Variants in PRMT3 observed in about 807,000 individuals in gnomAD.
PRMT3 encodes the protein protein arginine methyltransferase 3, also known as protein arginine N-methyltransferase 3.
A neutral mutation model predicts 71.9 loss-of-function variants in PRMT3; 62 were observed. The observed-to-expected ratio is 0.86, with a 90% CI of 0.70 to 1.07. The LOEUF (loss-of-function observed/expected upper bound fraction) is 1.07, where lower values mean the gene tolerates loss of function less well. Among genes scored for constraint, PRMT3 ranks in the 50% least tolerant of loss-of-function variants. The pLI is 0.00. For missense variants in PRMT3, 663 were observed against 643.0 expected, an observed-to-expected ratio of 1.03 and a Z score of -0.34; for synonymous variants, 213 against 220.4, an observed-to-expected ratio of 0.97 and a Z score of 0.30.
At chr11:20,413,567 G>A (rs1217638238) in intron 9 of PRMT3, among the ~76,000 whole-genome samples, 1 of 152,148 alleles carries the variant, frequency 6.6e-6, no homozygotes, top group African/African-American at 2.4e-5. Flanking sequence ...TGATAATCAT[G>A]TTAATTATTA....
At chr11:20,492,389 G>T (rs746046377) in intron 13 of PRMT3, among the ~76,000 whole-genome samples, 15 of 152,104 alleles carry the variant, frequency 9.9e-5, no homozygotes, top group Non-Finnish European at 1.8e-4. Context: ...ATAATCTGTG[G>T]CTGAGTACTA....
intron 4 of PRMT3, 21 bp from the exon 5 acceptor site, chr11:20,392,874 CAT>C (rs1565191328): frequency 7.1e-7 from 1 of 1,416,464 alleles, no homozygotes; most frequent in Non-Finnish European, 9.8e-7. Context: ...ATGAAAAAAA[CAT>C]GAGATTAATT....
intron 10 of PRMT3, among the ~76,000 whole-genome samples, chr11:20,450,084 T>C (rs941101214): frequency 1.7e-4 from 26 of 152,254 alleles, no homozygotes; most frequent in East Asian, 9.6e-4. Context: ...ACAGCTGAGC[T>C]GAAAGATAGA....
At chr11:20,476,989 G>GCTAGCTAGC (rs1275047888) in intron 13 of PRMT3, among the ~76,000 whole-genome samples, 1 of 152,124 alleles carries the variant, frequency 6.6e-6, no homozygotes, top group Admixed American at 6.5e-5. Context: ...ATATCTCCTA[G>GCTAGCTAGC]CTAGCTAGCG....
chr11:20,400,793 G>T (rs1285178571), intron 7 of PRMT3, among the ~76,000 whole-genome samples: 1 of 151,848 alleles, frequency 6.6e-6, no homozygotes, highest in Non-Finnish European at 1.5e-5. Flanking sequence ...TTGCTCCTAA[G>T]TATTGGAGCA....
intron 10 of PRMT3, among the ~76,000 whole-genome samples, chr11:20,449,537 G>C (rs954378264): frequency 1.3e-5 from 2 of 152,008 alleles, no homozygotes; most frequent in Non-Finnish European, 2.9e-5. Flanking sequence ...TTATGTGACC[G>C]AACTATTATT....
rs1321601345 is a variant in PRMT3 at position 20,494,272 on chromosome 11, G to A, written c.1486+18G>A. The A allele has an allele frequency of 6.6e-7, 1 of 1,510,494 alleles. No homozygotes were observed. The highest frequency in any genetic ancestry group is 1.4e-5 in the African/African-American group (1 of 72,380). The allele number at this position is 1,510,494 out of a possible 1,614,324, so 93.6% of individuals were successfully genotyped here. The stretch of plus-strand genomic sequence containing the variant: ...TAAAGCAGGTGAGAAAGAATAGTAG[G>A]GGGGAAGTATCTTATTCATTCTGAA... On this transcript the variant is annotated intron_variant, in intron 15 of 15. Coordinates refer to ENST00000331079, the MANE Select transcript of PRMT3 (RefSeq NM_005788.4).
intron 15 of PRMT3, among the ~76,000 whole-genome samples, chr11:20,499,213 ATG>A (rs1378555361): frequency 1.3e-5 from 2 of 152,242 alleles, no homozygotes; most frequent in East Asian, 3.8e-4. Flanking sequence ...GCAGTTAAGT[ATG>A]TACATTGTAA....
At chr11:20,455,282 G>C (rs1850243155) in intron 11 of PRMT3, among the ~76,000 whole-genome samples, 1 of 152,124 alleles carries the variant, frequency 6.6e-6, no homozygotes, top group Non-Finnish European at 1.5e-5. Flanking sequence ...GCAGACAGCA[G>C]GTAGAAGTGT....
intron 13 of PRMT3, among the ~76,000 whole-genome samples, chr11:20,487,460 A>T (rs1180831156): frequency 6.6e-6 from 1 of 152,210 alleles, no homozygotes; most frequent in Admixed American, 6.5e-5. Context: ...TGCCTGATGT[A>T]TGATTCTTTA....
intron 13 of PRMT3, among the ~76,000 whole-genome samples, chr11:20,482,523 A>G (rs940083628): frequency 5.3e-5 from 8 of 152,122 alleles, no homozygotes; most frequent in African/African-American, 1.9e-4. Flanking sequence ...TTGATTAGAG[A>G]TGTCAGAGGG....
At chr11:20,506,208 T>A (rs1004921302) in intron 15 of PRMT3, among the ~76,000 whole-genome samples, 5 of 152,180 alleles carry the variant, frequency 3.3e-5, no homozygotes, top group Admixed American at 6.5e-5. Flanking sequence ...TGAATAAATA[T>A]AAGCATAAAT....
chr11:20,481,885 C>T lies in PRMT3; in HGVS notation c.1348-12034C>T, dbSNP rs57999644. Among the ~76,000 whole-genome samples the T allele has an allele frequency of 3.1e-3, 467 of 151,482 alleles. 1 individual carries two copies. Among genetic ancestry groups the T allele is most frequent in the African/African-American group, 0.011 (435 of 40,946 alleles). On this transcript the variant is annotated intron_variant, in intron 13 of 15. Coordinates refer to ENST00000331079, the MANE Select transcript of PRMT3 (RefSeq NM_005788.4). ...TTTTAAAAGTCTGTATTTTTTTCAACCCATTCTTTGTGTTTAGCTTTTCTG... is the reference window on the plus strand; with the variant it reads ...TTTTAAAAGTCTGTATTTTTTTCAATCCATTCTTTGTGTTTAGCTTTTCTG...
At position 20,426,845 on chromosome 11, in the gene PRMT3, G is replaced by A. The variant is rs112997273; in HGVS notation, c.973G>A (p.Val325Ile). The A allele has an allele frequency of 8.5e-6, 13 of 1,529,510 alleles. No homozygotes were observed. In the African/African-American group the frequency reaches 8.7e-5, roughly 10 times the overall value. 94.7% of individuals were successfully genotyped at this position (1,529,510 alleles called of 1,614,324 possible). Reference sequence around the variant, plus strand: ...TCATCTTCCTGTAGAAAAAGTAGATGTTATCATATCTGAGTGGATGGTGAG... The same window carrying A: ...TCATCTTCCTGTAGAAAAAGTAGATATTATCATATCTGAGTGGATGGTGAG... ...EVHLPVEKVD[V>I]IISEWMGYFL... is the part of the protein sequence containing the mutation. The change falls in exon 10 of 16, where the codon GTT (valine) becomes ATT (isoleucine). Residue 325 changes from valine (V) to isoleucine (I), a missense_variant. Physicochemically the swap from Val to Ile is conservative, Grantham distance 29. Transcript: ENST00000331079.
intron 15 of PRMT3, among the ~76,000 whole-genome samples, chr11:20,508,064 C>T (rs1851635364): frequency 6.6e-6 from 1 of 151,068 alleles, no homozygotes; most frequent in Non-Finnish European, 1.5e-5. Context: ...CAAGCTTGCA[C>T]CAGTGCACTC....
intron 9 of PRMT3, among the ~76,000 whole-genome samples, chr11:20,424,331 TA>T (rs1849495701): frequency 6.6e-6 from 1 of 152,306 alleles, no homozygotes; most frequent in South Asian, 2.1e-4. Context: ...TGTATTGGCA[TA>T]AGGATACACA....
intron 2 of PRMT3, 25 bp downstream of exon 2, chr11:20,388,179 T>A: frequency 6.2e-7 from 1 of 1,613,622 alleles, no homozygotes; most frequent in Admixed American, 1.7e-5. Flanking sequence ...GCGCCTGGCC[T>A]CTGCCCTAGG....
chr11:20,406,528 C>T (rs1473432447), intron 8 of PRMT3: 1 of 152,110 alleles, frequency 6.6e-6, no homozygotes, highest in Non-Finnish European at 1.5e-5. Flanking sequence ...TGACATTTTG[C>T]TTATCCATTC....
chr11:20,393,244 C>T lies in PRMT3; in HGVS notation c.400+245C>T, dbSNP rs139835883. Among the ~76,000 whole-genome samples the T allele has an allele frequency of 7.0e-3, 1,067 of 152,188 alleles. 16 individuals carry two copies. Among genetic ancestry groups the T allele is most frequent in the African/African-American group, 0.024 (1,012 of 41,530 alleles). On this transcript the variant is annotated intron_variant, in intron 5 of 15. Transcript: ENST00000331079. ...GGGCAGATCACGAGGTCAGGAGATC[C>T]AGACCATCATGGCTAACACAGTGAA...
Sources: allele counts gnomAD v4.1 joint callset (sites outside exome capture counted in the v4.1 genomes callset), GRCh38; gene constraint gnomAD v4.1.1; transcripts MANE v1.5; gene names NCBI Gene and HGNC (gene_info 2026-07-23, HGNC 2026-07-21).